The following RPS12 variants were observed in gnomAD, a reference collection of about 807,000 sequenced individuals.
The protein encoded by RPS12 is small ribosomal subunit protein eS12.
Under a neutral mutation model 17.2 loss-of-function variants are expected in RPS12, and 1 was observed. The ratio of observed to expected loss-of-function variants is 0.06; its 90% CI spans 0.02 to 0.28. The LOEUF (loss-of-function observed/expected upper bound fraction) is 0.28. Among genes scored for constraint, RPS12 ranks in the 10% least tolerant of loss-of-function variants. The pLI, the probability that RPS12 is intolerant of heterozygous loss-of-function variation, is 1.00. For synonymous variants in RPS12, 67 were observed against 54.0 expected, an observed-to-expected ratio of 1.24 and a Z score of -1.06; for missense variants, 146 against 162.1, an observed-to-expected ratio of 0.90 and a Z score of 0.54.
intron 1 of RPS12, 26 bp downstream of exon 1, chr6:132,814,639 G>A (rs895893294): frequency 6.4e-6 from 7 of 1,088,536 alleles, no homozygotes; most frequent in South Asian, 3.8e-5. Flanking sequence ...CGGCAGGGGG[G>A]TGTATTGGTT....
rs2114714285 is a variant in RPS12, at chr6:132,817,453, T to C, written c.337-27T>C. The C allele has an allele frequency of 2.1e-6, 3 of 1,428,786 alleles. No individual in the cohort carries two copies. The East Asian group carries it at 6.8e-5, about 32-fold the overall frequency. 88.5% of individuals were successfully genotyped at this position (1,428,786 alleles called of 1,614,324 possible). A position where few individuals can be genotyped will look rare whatever the true frequency, so the allele number is the denominator to read the frequency against. The stretch of plus-strand genomic sequence containing the variant: ...GAAATTCCTAAATATTAACAAGAAA[T>C]TGCATGCGTGTTTTGTTTTTTTTAA... On this transcript the variant is annotated intron_variant, in intron 5 of 5. Coordinates refer to ENST00000230050, the MANE Select transcript of RPS12 (RefSeq NM_001016.4).
chr6:132,815,865 A>G (rs1246827916), intron 3 of RPS12: 3 of 430,082 alleles, frequency 7.0e-6, no homozygotes, highest in Admixed American at 2.8e-5. Context: ...TTTTGAGACA[A>G]AGAGTCTTGC....
chr6:132,815,487 T>C (rs535136048), intron 3 of RPS12: 2 of 416,730 alleles, frequency 4.8e-6, no homozygotes, highest in East Asian at 6.8e-5. Flanking sequence ...TTAATGGAAT[T>C]TCAAACTCAG....
intron 1 of RPS12, 47 bp downstream of exon 1, chr6:132,814,660 G>T (rs1475620248): frequency 3.9e-6 from 5 of 1,277,010 alleles, no homozygotes; most frequent in African/African-American, 1.5e-5. Context: ...ATAATTTGTG[G>T]CTCGTTGCGT....
intron 2 of RPS12, 77 bp downstream of exon 2, chr6:132,814,859 TGG>T: frequency 6.8e-7 from 1 of 1,473,702 alleles, no homozygotes; most frequent in African/African-American, 1.4e-5. Context: ...GGAACAGGAC[TGG>T]GTCAAACGGG....
In RPS12 at chr6:132,814,570, T is replaced by C. The variant is rs776480586; in HGVS notation, c.-81T>C. 1.4e-6 allele frequency: 1 copy of C among 730,820 alleles called. No individual in the cohort carries two copies. Among genetic ancestry groups the C allele is most frequent in the African/African-American group, 1.7e-5 (1 of 57,866 alleles). The allele number at this position is 730,820 out of a possible 1,614,324, so 45.3% of individuals were successfully genotyped here. A position where few individuals can be genotyped will look rare whatever the true frequency, so the allele number is the denominator to read the frequency against. On this transcript the variant is annotated 5_prime_UTR_variant, in exon 1 of 6. Transcript: ENST00000230050. ...TACCGGCATGCGTGCGGATGAGGCC[T>C]CTTTCCCTGCCGCCGCCGAGTCGCG...
At chr6:132,815,218 G>A (rs1490857152) in intron 3 of RPS12, 130 bp downstream of exon 3, 1 of 751,224 alleles carries the variant, frequency 1.3e-6, no homozygotes, top group Non-Finnish European at 2.4e-6. Flanking sequence ...CGGAAACCTA[G>A]GAAAAGGTAT....
Position 132,814,738 on chromosome 6 carries a change from C to A in RPS12, c.-31C>A. The A allele has an allele frequency of 6.2e-7, 1 of 1,612,404 alleles. No homozygotes were observed. The highest frequency in any genetic ancestry group is 1.1e-5 in the South Asian group (1 of 90,998). ...CAATGCTTTTGTTTTTTAGTGCGTT[C>A]AAGATTCAACTTCACCCGTAACCCA... On this transcript the variant is annotated 5_prime_UTR_variant, in exon 2 of 6. Coordinates refer to ENST00000230050, the MANE Select transcript of RPS12 (RefSeq NM_001016.4).
In RPS12 at chr6:132,815,003, A is replaced by T. The variant is rs1179328529; in HGVS notation, c.46A>T (p.Thr16Ser). Residue 16 changes from threonine to serine, a missense_variant, in exon 3 of 6, where the codon ACT (threonine) becomes TCT (serine). Transcript: ENST00000230050. ...IAAGGVMDVN[T>S]ALQEVLKTAL... ...TGCTGGAGGTGTAATGGACGTTAAT[A>T]CTGCTTTACAAGAGGTTCTGAAGAC... 1.2e-6 allele frequency: 2 copies of T among 1,613,030 alleles called. No homozygotes were observed. Among genetic ancestry groups the T allele is most frequent in the Admixed American group, 1.7e-5 (1 of 60,008 alleles).
At chr6:132,815,484 A>C (rs1042132498) in intron 3 of RPS12, 4 of 419,044 alleles carry the variant, frequency 9.5e-6, no homozygotes, top group African/African-American at 6.2e-5. Context: ...AATTTAATGG[A>C]ATTTCAAACT....
intron 3 of RPS12, chr6:132,815,752 C>T (rs1285209045): frequency 8.8e-6 from 4 of 456,372 alleles, no homozygotes; most frequent in South Asian, 1.5e-5. Flanking sequence ...TTTAGTAGGT[C>T]CTAGTATGAG....
intron 4 of RPS12, 46 bp downstream of exon 4, chr6:132,816,609 TG>T (rs763046189): frequency 1.6e-6 from 2 of 1,261,302 alleles, no homozygotes; most frequent in African/African-American, 2.9e-5. Flanking sequence ...CAGTGATGCT[TG>T]TATATGGGGG....
At chr6:132,816,743 C>T (rs1320068846) in intron 4 of RPS12, 180 bp downstream of exon 4, 3 of 768,176 alleles carry the variant, frequency 3.9e-6, no homozygotes, top group East Asian at 4.8e-5. Flanking sequence ...AGAATTGAAT[C>T]CTAATTTTGA....
chr6:132,816,428 T>C (rs746081476), intron 3 of RPS12, 33 bp from the exon 4 acceptor site: 1 of 1,515,608 alleles, frequency 6.6e-7, no homozygotes, highest in Non-Finnish European at 9.1e-7. Context: ...GATCTGAGTT[T>C]TAGCTCCATT....
In RPS12 at chr6:132,816,767, CAA is replaced by C. The variant is rs774366646; in HGVS notation, c.235-191_235-190del. 11 of 769,440 alleles carry C rather than the reference CAA, an allele frequency of 1.4e-5. No homozygotes were observed. The East Asian group carries it at 1.7e-4, about 12-fold the overall frequency. 47.7% of individuals were successfully genotyped at this position (769,440 alleles called of 1,614,324 possible). On this transcript the variant is annotated intron_variant, in intron 4 of 5. Transcript: ENST00000230050. Reference sequence around the variant, plus strand: ...TCCTAATTTTGACGTTGGTATACAACAAAGATTAGTAGCAGGCTTGTAGGTGA... The same window carrying C: ...TCCTAATTTTGACGTTGGTATACAACAGATTAGTAGCAGGCTTGTAGGTGA...
At position 132,817,037 on chromosome 6, in the gene RPS12, T is replaced by G. The variant is rs375363812; in HGVS notation, c.312T>G (p.Val104=). 51 of 1,609,638 alleles carry G rather than the reference T, an allele frequency of 3.2e-5. No homozygotes were observed. Among genetic ancestry groups the G allele is most frequent in the Non-Finnish European group, 2.5e-6 (3 of 1,177,376 alleles). Residue 104 remains valine (V), a synonymous_variant, in exon 5 of 6, where the codon GTT becomes GTG. Transcript: ENST00000230050. ...IDREGKPRKV[V]GCSCVVVKDY... ...GAGAGGGGAAACCCCGTAAAGTGGT[T>G]GGTTGCAGTTGTGTAGTAGTTAAGG...
chr6:132,817,385 C>G (rs749127793), intron 5 of RPS12, 95 bp from the exon 6 acceptor site: 1 of 873,066 alleles, frequency 1.1e-6, no homozygotes, highest in African/African-American at 1.6e-5. Flanking sequence ...TAAGACATAG[C>G]TAATTGTTGA....
chr6:132,815,141 C>T (rs1782016649), intron 3 of RPS12, 53 bp downstream of exon 3: 3 of 1,139,112 alleles, frequency 2.6e-6, no homozygotes, highest in African/African-American at 1.5e-5. Flanking sequence ...ACAAAACTGC[C>T]ACCCAAGGGA....
chr6:132,814,663 C>A, intron 1 of RPS12, 50 bp downstream of exon 1: 3 of 1,297,516 alleles, frequency 2.3e-6, no homozygotes, highest in Non-Finnish European at 2.2e-6. Context: ...ATTTGTGGCT[C>A]GTTGCGTTCT....
Sources: gnomAD v4.1 joint callset for allele counts on GRCh38, gnomAD v4.1.1 for gene constraint, MANE v1.5 for transcripts, NCBI Gene and HGNC (gene_info 2026-07-23, HGNC 2026-07-21) for gene names.